Variants in TNKS1BP1 observed in about 807,000 individuals in gnomAD.
TNKS1BP1 encodes the protein 182 kDa tankyrase-1-binding protein.
TNKS1BP1 carries 48 observed loss-of-function variants against 141.1 expected under a neutral mutation model. The ratio of observed to expected loss-of-function variants is 0.34; its 90% confidence interval spans 0.27 to 0.43. The LOEUF (loss-of-function observed/expected upper bound fraction) is 0.43, where lower values mean the gene tolerates loss of function less well. TNKS1BP1 is among the 20% of genes least tolerant of loss of function. The pLI, the probability that TNKS1BP1 is intolerant of heterozygous loss-of-function variation, is 1.00. For synonymous variants in TNKS1BP1, 875 were observed against 898.2 expected, an observed-to-expected ratio of 0.97 and a Z score of 0.46; for missense variants, 2,149 against 2,226.0, an observed-to-expected ratio of 0.97 and a Z score of 0.70.
intron 1 of TNKS1BP1, among the ~76,000 whole-genome samples, chr11:57,322,497 C>G (rs780518868): frequency 1.8e-4 from 27 of 152,188 alleles, no homozygotes; most frequent in Non-Finnish European, 3.2e-4. Flanking sequence ...ATCCCTGCCC[C>G]ACTCTCTCCC....
Position 57,308,770 on chromosome 11 carries a change from T to A in TNKS1BP1, c.3941A>T (p.Asn1314Ile). Residue 1314 changes from asparagine (N) to isoleucine (I), a missense_variant, in exon 6 of 12, where the codon AAT (asparagine) becomes ATT (isoleucine). By Grantham distance (149) the Asn-to-Ile change is moderately radical. Coordinates refer to ENST00000358252, the MANE Select transcript of TNKS1BP1 (RefSeq NM_033396.3). ...CACCTCCAAATCCCTCAGGCCCAGATTGTTACCCCAGTCCATCTGGCCCAC... is the reference window on the plus strand; with the variant it reads ...CACCTCCAAATCCCTCAGGCCCAGAATGTTACCCCAGTCCATCTGGCCCAC... ...LGVGQMDWGNNLGLRDLEVTC... is the reference protein window; with the variant it reads ...LGVGQMDWGNILGLRDLEVTC... 1 of 1,614,040 alleles carries A rather than the reference T, an allele frequency of 6.2e-7. No homozygotes were observed. Among genetic ancestry groups the A allele is most frequent in the Non-Finnish European group, 8.5e-7 (1 of 1,180,006 alleles).
intron 6 of TNKS1BP1, among the ~76,000 whole-genome samples, chr11:57,304,117 T>TCCCCACAC (rs1379406144): frequency 2.6e-5 from 4 of 151,452 alleles, no homozygotes; most frequent in African/African-American, 9.7e-5. Context: ...CATCCCCGCA[T>TCCCCACAC]CCCCACACCC....
intron 1 of TNKS1BP1, among the ~76,000 whole-genome samples, chr11:57,323,073 G>A (rs1169150324): frequency 5.3e-5 from 8 of 152,168 alleles, no homozygotes. Flanking sequence ...CCCTGAGGGG[G>A]CTTACATGAA....
chr11:57,320,043 A>G, intron 3 of TNKS1BP1, 36 bp downstream of exon 3: 2 of 642,802 alleles, frequency 3.1e-6, no homozygotes, highest in East Asian at 6.1e-5. Context: ...CCTGACCTCC[A>G]GGCTGCCACA....
At chr11:57,322,083 G>GCA in intron 1 of TNKS1BP1, 133 bp from the exon 2 acceptor site, 1 of 589,142 alleles carries the variant, frequency 1.7e-6, no homozygotes, top group Non-Finnish European at 2.6e-6. Context: ...GGGGGGGGGG[G>GCA]GTAGGAGGAG....
Position 57,301,953 on chromosome 11 carries a change from C to T in TNKS1BP1, c.4835-10G>A, listed in dbSNP as rs1366769719. The T allele has an allele frequency of 6.2e-7, 1 of 1,612,748 alleles. No homozygotes were observed. The highest frequency in any genetic ancestry group is 8.5e-7 in the Non-Finnish European group (1 of 1,179,030). On this transcript the variant is annotated splice_polypyrimidine_tract_variant and intron_variant, in intron 8 of 11. Coordinates refer to ENST00000358252, the MANE Select transcript of TNKS1BP1 (RefSeq NM_033396.3). Reference sequence around the variant, plus strand: ...CGAGATGCCCGTGGCTCTGCAAAGGCCCGGGAAAGGGGCTCAGAAAAGGCA... The same window carrying T: ...CGAGATGCCCGTGGCTCTGCAAAGGTCCGGGAAAGGGGCTCAGAAAAGGCA...
chr11:57,309,315 C>T lies in TNKS1BP1; in HGVS notation c.3396G>A (p.Val1132=). 2 of 1,614,196 alleles carry T rather than the reference C, an allele frequency of 1.2e-6. No homozygotes were observed. The highest frequency in any genetic ancestry group is 1.7e-6 in the Non-Finnish European group (2 of 1,180,038). ...TAGAAGGGCTAAAGCCAGCACCACT[C>T]ACTCTGTCGTTGCCAATGATGCCAA... ...YQFGIIGNDR[V]SGAGFSPSSK... Residue 1132 remains valine (V), a synonymous_variant, in exon 6 of 12, where the codon GTG becomes GTA. Transcript: ENST00000358252. This position sits in a 1 kb window ranked among gnomAD's most constrained non-coding sequence, Gnocchi z 4.3.
Position 57,310,234 on chromosome 11 carries a change from C to T in TNKS1BP1, c.2477G>A (p.Gly826Glu), listed in dbSNP as rs756692389. 13 of 1,614,196 alleles carry T rather than the reference C, an allele frequency of 8.1e-6. No homozygotes were observed. In the South Asian group the frequency reaches 1.4e-4, roughly 18 times the overall value. Reference sequence around the variant, plus strand: ...CTGAGTGCCAAGCTGGGCTGGCTTTCCAACTACCCGGTCCTGGGCTGTGAG... The same window carrying T: ...CTGAGTGCCAAGCTGGGCTGGCTTTTCAACTACCCGGTCCTGGGCTGTGAG... ...GVLTAQDRVV[G>E]KPAQLGTQRS... The change falls in exon 6 of 12, where the codon GGA becomes GAA. Residue 826 changes from glycine to glutamate, a missense_variant. By Grantham distance (98) the Gly-to-Glu change is moderately conservative (BLOSUM62 -2). Transcript: ENST00000358252.
chr11:57,315,219 A>G (rs986630658), intron 4 of TNKS1BP1, among the ~76,000 whole-genome samples: 3 of 151,734 alleles, frequency 2.0e-5, no homozygotes, highest in African/African-American at 7.3e-5. Flanking sequence ...AATCCCAAGT[A>G]TCCCACTTGC....
At position 57,320,358 on chromosome 11, in the gene TNKS1BP1, C is replaced by T. The variant is rs532502983; in HGVS notation, c.449G>A (p.Arg150His). The T allele has an allele frequency of 1.7e-5, 27 of 1,614,022 alleles. No homozygotes were observed. The highest frequency in any genetic ancestry group is 2.0e-5 in the Non-Finnish European group (24 of 1,180,044). ...GGVRKAPAPFRPASERFAATT... is the reference protein window; with the variant it reads ...GGVRKAPAPFHPASERFAATT... Reference sequence around the variant, plus strand: ...GGCCGCGAAGCGCTCTGAGGCTGGGCGGAAAGGGGCAGGGGCCTTCCGTAC... The same window carrying T: ...GGCCGCGAAGCGCTCTGAGGCTGGGTGGAAAGGGGCAGGGGCCTTCCGTAC... The change falls in exon 3 of 12, where the codon CGC becomes CAC. Residue 150 changes from arginine (R) to histidine (H), a missense_variant. Transcript: ENST00000358252.
chr11:57,315,510 AAC>A (rs780753737), intron 4 of TNKS1BP1, among the ~76,000 whole-genome samples: 27 of 152,154 alleles, frequency 1.8e-4, no homozygotes, highest in Non-Finnish European at 3.4e-4. Context: ...GCTGGATAAA[AAC>A]ACACAATCGT....
Position 57,309,061 on chromosome 11 carries a change from G to A in TNKS1BP1, c.3650C>T (p.Pro1217Leu), listed in dbSNP as rs1043258572. ...GCLESGGSEEPGGIGVGEKDW... is the reference protein window; with the variant it reads ...GCLESGGSEELGGIGVGEKDW... ...CTTCTCCCCAACTCCGATTCCCCCC[G>A]GCTCTTCAGACCCTCCACTTTCCAA... The change falls in exon 6 of 12, where the codon CCG becomes CTG. Residue 1217 changes from proline (P) to leucine (L), a missense_variant. Pro to Leu is a moderately conservative substitution (Grantham distance 98). Coordinates refer to ENST00000358252, the MANE Select transcript of TNKS1BP1 (RefSeq NM_033396.3). This position sits in a 1 kb window ranked among gnomAD's most constrained non-coding sequence, Gnocchi z 4.3. 22 of 1,613,802 alleles carry A rather than the reference G, an allele frequency of 1.4e-5. No individual in the cohort carries two copies. Among genetic ancestry groups the A allele is most frequent in the African/African-American group, 4.0e-5 (3 of 74,840 alleles).
At position 57,300,580 on chromosome 11, in the gene TNKS1BP1, T is replaced by C. The variant is rs1855510161; in HGVS notation, c.5150A>G (p.Asn1717Ser). The change falls in exon 11 of 12, where the codon AAC (asparagine) becomes AGC (serine). Residue 1717 changes from asparagine (N) to serine (S), a missense_variant. By Grantham distance (46) the Asn-to-Ser change is conservative. Transcript: ENST00000358252. ...KSSGSEGSSP[N>S]WLQALKLKKK... is the part of the protein sequence containing the mutation. Reference sequence around the variant, plus strand: ...CTTCAGTTTCAGGGCTTGAAGCCAGTTGGGCGACGATCCTTCTGACCTAGG... The same window carrying C: ...CTTCAGTTTCAGGGCTTGAAGCCAGCTGGGCGACGATCCTTCTGACCTAGG... 3 of 1,614,194 alleles carry C rather than the reference T, an allele frequency of 1.9e-6. No homozygotes were observed. Among genetic ancestry groups the C allele is most frequent in the Non-Finnish European group, 2.5e-6 (3 of 1,180,036 alleles).
chr11:57,315,028 G>GC (rs1394778295), intron 4 of TNKS1BP1, among the ~76,000 whole-genome samples: 5 of 152,032 alleles, frequency 3.3e-5, no homozygotes. Context: ...CATAACCGCT[G>GC]CATCACTGCA....
rs772990613 is a variant in TNKS1BP1, at chr11:57,312,757, A to T, written c.1931T>A (p.Leu644Gln). The change falls in exon 5 of 12, where the codon CTG (leucine) becomes CAG (glutamine). Residue 644 changes from leucine (L) to glutamine (Q), a missense_variant. Leu to Gln is a moderately radical substitution (Grantham distance 113). Transcript: ENST00000358252. ...GGTCACGGCCTCCTCCTCAACAGGC[A>T]GTGCCTGTCCAGGCTCAGGGGCATC... ...FADAPEPGQALPVEEEAVTLA... is the reference protein window; with the variant it reads ...FADAPEPGQAQPVEEEAVTLA... 6.3e-7 allele frequency: 1 copy of T among 1,598,862 alleles called. No individual in the cohort carries two copies. The highest frequency in any genetic ancestry group is 8.5e-7 in the Non-Finnish European group (1 of 1,171,454).
At chr11:57,316,347 C>T (rs2134368774) in intron 4 of TNKS1BP1, among the ~76,000 whole-genome samples, 1 of 152,298 alleles carries the variant, frequency 6.6e-6, no homozygotes, top group Non-Finnish European at 1.5e-5. Flanking sequence ...AGCCAGTCTT[C>T]ACAAGCATTC....
Position 57,317,857 on chromosome 11 carries a change from C to G in TNKS1BP1, c.759G>C (p.Gly253=). ...RSLPSDLAFN[G]DLAKAASSEL... is the part of the protein sequence containing the mutation. ...CCGAGCTGGCTGCCTTAGCCAGGTC[C>G]CCGTTGAAGGCCAGGTCGGAAGGAA... Residue 253 remains glycine, a synonymous_variant, in exon 4 of 12, where the codon GGG becomes GGC. Transcript: ENST00000358252. The G allele has an allele frequency of 6.2e-7, 1 of 1,613,994 alleles. No homozygotes were observed.
intron 4 of TNKS1BP1, among the ~76,000 whole-genome samples, chr11:57,317,576 T>C (rs867693553): frequency 2.5e-4 from 38 of 152,386 alleles, no homozygotes; most frequent in Middle Eastern, 6.8e-3. Flanking sequence ...GCAGTTGTTG[T>C]GGATACTATC....
intron 1 of TNKS1BP1, 120 bp downstream of exon 1, chr11:57,324,720 C>T: frequency 1.1e-6 from 1 of 939,492 alleles, no homozygotes; most frequent in Non-Finnish European, 1.3e-6. Flanking sequence ...TGGTGACCCC[C>T]CGACCACCAC....
Sources: allele counts gnomAD v4.1 joint callset (sites outside exome capture counted in the v4.1 genomes callset), GRCh38; gene constraint gnomAD v4.1.1; non-coding constraint Gnocchi (gnomAD v3.1); transcripts MANE v1.5; gene names NCBI Gene and HGNC (gene_info 2026-07-23, HGNC 2026-07-21).